The following MAMDC2 variants were observed in gnomAD, a reference collection of about 807,000 sequenced individuals.
MAMDC2 encodes MAM domain containing 2.
In MAMDC2, 57 loss-of-function variants were observed where a neutral mutation model predicts 89.8. That is an observed-to-expected ratio of 0.63 (90% CI 0.51 to 0.79). MAMDC2 has a LOEUF of 0.79. MAMDC2 is among the 30% of genes least tolerant of loss of function. The pLI is 0.00. For missense variants in MAMDC2, 800 were observed against 820.6 expected (o/e 0.97, Z 0.31); for synonymous variants, 313 against 293.4 (o/e 1.07, Z -0.68).
chr9:70,111,338 T>C (rs1428258155), intron 4 of MAMDC2, among the ~76,000 whole-genome samples: 1 of 152,236 alleles, frequency 6.6e-6, no homozygotes, highest in African/African-American at 2.4e-5. Context: ...TTTCTTCAAA[T>C]GATGTGGTGA....
chr9:70,044,435 G>A (rs1826686918), intron 1 of MAMDC2, 149 bp from the exon 2 acceptor site: 3 of 800,104 alleles, frequency 3.7e-6, no homozygotes, highest in East Asian at 5.4e-5. Context: ...AGGCGCCCGG[G>A]GATGCTGGGG....
At chr9:70,112,245 C>T (rs2975888) in intron 4 of MAMDC2, among the ~76,000 whole-genome samples, 5,003 of 152,192 alleles carry the variant, frequency 0.033, 268 homozygotes, top group African/African-American at 0.11. Context: ...TTCTTGCTCC[C>T]TTTTAAGGAA....
At chr9:70,066,479 G>A (rs1264224766) in intron 2 of MAMDC2, among the ~76,000 whole-genome samples, 4 of 152,112 alleles carry the variant, frequency 2.6e-5, no homozygotes, top group African/African-American at 9.7e-5. Context: ...GAATCTCGCA[G>A]GCTGGTGTAG....
chr9:70,217,295 C>A, intron 11 of MAMDC2: 2 of 1,334,378 alleles, frequency 1.5e-6, no homozygotes, highest in Admixed American at 1.7e-5. Flanking sequence ...TTTCTTAATG[C>A]GAAATGCGAG....
chr9:70,115,236 C>T (rs1166720788), intron 5 of MAMDC2, among the ~76,000 whole-genome samples: 58 of 152,050 alleles, frequency 3.8e-4, no homozygotes, highest in Non-Finnish European at 5.9e-5. Flanking sequence ...ACAGAAGAAT[C>T]CCCCAGAAAC....
chr9:70,140,125 T>C lies in MAMDC2; in HGVS notation c.995-20T>C. 1.3e-6 allele frequency: 2 copies of C among 1,544,862 alleles called. No individual in the cohort carries two copies. The highest frequency in any genetic ancestry group is 1.7e-6 in the Non-Finnish European group (2 of 1,156,882). Reference sequence around the variant, plus strand: ...TGAGATCTTTGGGACTGTCATTAACTTTGCTTGTCCTTTGCTCAGAACTTC... The same window carrying C: ...TGAGATCTTTGGGACTGTCATTAACCTTGCTTGTCCTTTGCTCAGAACTTC... On this transcript the variant is annotated intron_variant, in intron 7 of 13. Coordinates refer to ENST00000377182, the MANE Select transcript of MAMDC2 (RefSeq NM_153267.5).
chr9:70,202,268 G>A (rs1264424345), intron 11 of MAMDC2, among the ~76,000 whole-genome samples: 6 of 150,776 alleles, frequency 4.0e-5, no homozygotes, highest in Non-Finnish European at 8.9e-5. Context: ...TGTTCTCGTT[G>A]GTTTCAAACA....
chr9:70,064,966 T>C (rs749165528), intron 2 of MAMDC2, among the ~76,000 whole-genome samples: 6 of 152,088 alleles, frequency 3.9e-5, no homozygotes, highest in Non-Finnish European at 5.9e-5. Flanking sequence ...GTAACTTGAG[T>C]GGAATCAACA....
At chr9:70,182,647 G>T (rs1243201175) in intron 11 of MAMDC2, among the ~76,000 whole-genome samples, 1 of 152,112 alleles carries the variant, frequency 6.6e-6, no homozygotes, top group African/African-American at 2.4e-5. Flanking sequence ...TTTCATAGAG[G>T]TGTTTATAGT....
intron 9 of MAMDC2, among the ~76,000 whole-genome samples, chr9:70,163,732 T>C (rs575731338): frequency 2.6e-4 from 40 of 151,862 alleles, no homozygotes; most frequent in Non-Finnish European, 5.3e-4. Context: ...GGCAGGCAGA[T>C]CACTTGAGTC....
intron 11 of MAMDC2, among the ~76,000 whole-genome samples, chr9:70,180,762 C>A (rs1404923228): frequency 6.6e-6 from 1 of 152,120 alleles, no homozygotes; most frequent in Non-Finnish European, 1.5e-5. Flanking sequence ...AGATATTAGA[C>A]CTTTGTCAGA....
chr9:70,077,892 A>C (rs1827567968), intron 2 of MAMDC2, among the ~76,000 whole-genome samples: 1 of 150,610 alleles, frequency 6.6e-6, no homozygotes, highest in Non-Finnish European at 1.5e-5. Flanking sequence ...CCCAGCCCAA[A>C]CAACAAAAGG....
intron 2 of MAMDC2, chr9:70,088,245 C>G (rs947810577): frequency 1.3e-5 from 2 of 152,008 alleles, no homozygotes; most frequent in African/African-American, 2.4e-5. Context: ...GGAAGAAAAC[C>G]CTGCCTTTTA....
chr9:70,087,216 C>A (rs1050310936), intron 2 of MAMDC2: 1 of 152,138 alleles, frequency 6.6e-6, no homozygotes, highest in African/African-American at 2.4e-5. Context: ...GTATTGAGAG[C>A]TCTTTTGGAC....
chr9:70,225,808 T>A lies in MAMDC2; in HGVS notation c.1970T>A (p.Val657Asp), dbSNP rs1487834550. The change falls in exon 13 of 14, where the codon GTT (valine) becomes GAT (aspartate). Residue 657 changes from valine (V) to aspartate (D), a missense_variant. Transcript: ENST00000377182. ...SIRSDIAIDD[V>D]KFQAGPCGEM... is the part of the protein sequence containing the mutation. The stretch of plus-strand genomic sequence containing the variant: ...AGAAGTGATATTGCCATTGATGATG[T>A]TAAATTTCAGGCAGGACCCTGTGGA... The A allele has an allele frequency of 1.2e-6, 2 of 1,611,494 alleles. No individual in the cohort carries two copies. Among genetic ancestry groups the A allele is most frequent in the Admixed American group, 1.7e-5 (1 of 59,966 alleles).
intron 2 of MAMDC2, among the ~76,000 whole-genome samples, chr9:70,062,179 A>AT (rs896419347): frequency 1.7e-4 from 26 of 151,562 alleles, no homozygotes; most frequent in African/African-American, 4.1e-4. Flanking sequence ...CTCTTTTCTG[A>AT]TTTTTTTTAA....
At chr9:70,165,166 A>G (rs1190988991) in intron 9 of MAMDC2, among the ~76,000 whole-genome samples, 2 of 152,122 alleles carry the variant, frequency 1.3e-5, no homozygotes, top group African/African-American at 4.8e-5. Context: ...CCTTCTTGTT[A>G]TGTTCTTAAC....
At chr9:70,195,618 C>T (rs752008031) in intron 11 of MAMDC2, among the ~76,000 whole-genome samples, 4 of 152,080 alleles carry the variant, frequency 2.6e-5, no homozygotes, top group African/African-American at 9.7e-5. Flanking sequence ...ACCCAGCATG[C>T]GAATCACCCA....
At chr9:70,189,719 T>C (rs2032838425) in intron 11 of MAMDC2, among the ~76,000 whole-genome samples, 1 of 152,084 alleles carries the variant, frequency 6.6e-6, no homozygotes, top group Non-Finnish European at 1.5e-5. Flanking sequence ...ACTATGCATA[T>C]GTTGGTACAC....
Sources: allele counts gnomAD v4.1 joint callset (sites outside exome capture counted in the v4.1 genomes callset), GRCh38; gene constraint gnomAD v4.1.1; transcripts MANE v1.5; gene names NCBI Gene and HGNC (gene_info 2026-07-23, HGNC 2026-07-21).